Variants in MYO1B observed in about 807,000 individuals in gnomAD.
The protein encoded by MYO1B is unconventional myosin-Ib.
A neutral mutation model predicts 159.7 loss-of-function variants in MYO1B; 72 were observed. The ratio of observed to expected loss-of-function variants is 0.45; its 90% CI spans 0.37 to 0.55. MYO1B has a LOEUF of 0.55. Among genes scored for constraint, MYO1B ranks in the 20% least tolerant of loss-of-function variants. The pLI, the probability that MYO1B is intolerant of heterozygous loss-of-function variation, is 0.00. For synonymous variants in MYO1B, 468 were observed against 473.8 expected, an observed-to-expected ratio of 0.99 and a Z score of 0.16; for missense variants, 1,062 against 1,364.8, an observed-to-expected ratio of 0.78 and a Z score of 3.50.
chr2:191,352,231 A>G (rs1294025991), intron 7 of MYO1B, among the ~76,000 whole-genome samples: 2 of 152,200 alleles, frequency 1.3e-5, no homozygotes, highest in Non-Finnish European at 2.9e-5. Context: ...TTTTAAGATC[A>G]CCATTTTAAG....
At position 191,420,421 on chromosome 2, in the gene MYO1B, C is replaced by T. The variant is rs544026930; in HGVS notation, c.3288-3416C>T. Among the ~76,000 whole-genome samples, 10 of 152,280 alleles carry T rather than the reference C, an allele frequency of 6.6e-5. No individual in the cohort carries two copies. The East Asian group carries it at 7.7e-4, about 12-fold the overall frequency. ...CTGCAAGCCCCATTCATGGTAAGGG[C>T]GCTAGACAAGTACACTATTTTTTAT... On this transcript the variant is annotated intron_variant, in intron 30 of 30. Coordinates refer to ENST00000392318, the MANE Select transcript of MYO1B (RefSeq NM_001130158.3).
intron 1 of MYO1B, among the ~76,000 whole-genome samples, chr2:191,275,172 G>A (rs1184083308): frequency 6.6e-6 from 1 of 152,104 alleles, no homozygotes; most frequent in Non-Finnish European, 1.5e-5. Context: ...CCAAAGTGCT[G>A]GGATTACAGG....
At chr2:191,287,530 CAA>C (rs78877911) in intron 2 of MYO1B, among the ~76,000 whole-genome samples, 1,890 of 130,574 alleles carry the variant, frequency 0.014, 52 homozygotes, top group African/African-American at 0.049. Context: ...AACTCCGTCT[CAA>C]AAAAAAAAAA....
intron 5 of MYO1B, among the ~76,000 whole-genome samples, chr2:191,344,599 G>T (rs1431842088): frequency 6.6e-6 from 1 of 152,018 alleles, no homozygotes; most frequent in Non-Finnish European, 1.5e-5. Flanking sequence ...GGGAGGCCGA[G>T]GGGGGTGGAT....
intron 16 of MYO1B, 72 bp from the exon 17 acceptor site, chr2:191,387,152 A>T: frequency 7.0e-7 from 1 of 1,435,342 alleles, no homozygotes; most frequent in East Asian, 2.3e-5. Flanking sequence ...ATAGTCTTGG[A>T]GTATTTTTAA....
At chr2:191,346,925 G>A (rs992050055) in intron 6 of MYO1B, among the ~76,000 whole-genome samples, 12 of 152,278 alleles carry the variant, frequency 7.9e-5, no homozygotes, top group African/African-American at 2.9e-4. Context: ...TCCTCCAGGC[G>A]GGCCATGCTC....
At chr2:191,336,595 G>A (rs562485456) in intron 4 of MYO1B, among the ~76,000 whole-genome samples, 4 of 152,218 alleles carry the variant, frequency 2.6e-5, no homozygotes, top group East Asian at 1.9e-4. Flanking sequence ...CAAAGGCTGC[G>A]TCTCTCATTG....
chr2:191,332,035 T>C (rs1289276811), intron 4 of MYO1B, among the ~76,000 whole-genome samples: 1 of 152,220 alleles, frequency 6.6e-6, no homozygotes, highest in African/African-American at 2.4e-5. Context: ...CGATCTTGGC[T>C]CACTGCAACC....
intron 3 of MYO1B, among the ~76,000 whole-genome samples, chr2:191,303,457 C>T (rs1231942789): frequency 6.6e-6 from 1 of 152,168 alleles, no homozygotes; most frequent in Non-Finnish European, 1.5e-5. Context: ...TTTATGCTTT[C>T]CCATCTAGCA....
chr2:191,364,116 G>C, intron 10 of MYO1B, 42 bp from the exon 11 acceptor site: 1 of 1,477,674 alleles, frequency 6.8e-7, no homozygotes, highest in South Asian at 1.1e-5. Flanking sequence ...TTAGCAGCAC[G>C]TGTACAGTCA....
intron 8 of MYO1B, among the ~76,000 whole-genome samples, chr2:191,361,375 G>A (rs949198440): frequency 1.2e-4 from 19 of 152,078 alleles, no homozygotes; most frequent in Non-Finnish European, 2.9e-5. Flanking sequence ...TGATACAAGA[G>A]ATAAAGATCT....
chr2:191,344,611 A>C (rs1692439720), intron 5 of MYO1B, among the ~76,000 whole-genome samples: 1 of 151,984 alleles, frequency 6.6e-6, no homozygotes, highest in Non-Finnish European at 1.5e-5. Flanking sequence ...GGGGTGGATC[A>C]CGAGGTCAGG....
At chr2:191,270,121 A>T (rs1161581748) in intron 1 of MYO1B, among the ~76,000 whole-genome samples, 1 of 152,184 alleles carries the variant, frequency 6.6e-6, no homozygotes, top group Non-Finnish European at 1.5e-5. Context: ...TTATGGATGC[A>T]GCGCCACAAT....
intron 3 of MYO1B, among the ~76,000 whole-genome samples, chr2:191,320,393 A>G (rs982576847): frequency 1.1e-4 from 16 of 152,140 alleles, no homozygotes; most frequent in Non-Finnish European, 1.3e-4. Flanking sequence ...GTATCATGAT[A>G]TGAATTTAGC....
intron 3 of MYO1B, among the ~76,000 whole-genome samples, chr2:191,311,901 C>T (rs1029601111): frequency 6.6e-6 from 1 of 152,084 alleles, no homozygotes; most frequent in East Asian, 1.9e-4. Flanking sequence ...GTCATTGTTC[C>T]TAAAACAAGT....
At chr2:191,300,784 T>G (rs779829255) in intron 3 of MYO1B, among the ~76,000 whole-genome samples, 25 of 151,870 alleles carry the variant, frequency 1.6e-4, no homozygotes, top group Non-Finnish European at 2.9e-4. Flanking sequence ...ATTTGGAATT[T>G]AATTTGAGCT....
rs532117992 is a variant in MYO1B, at chr2:191,296,945, G to A, written c.251+719G>A. Among the ~76,000 whole-genome samples the A allele has an allele frequency of 7.2e-5, 11 of 152,204 alleles. No individual in the cohort carries two copies. In the South Asian group the frequency reaches 8.3e-4, roughly 11 times the overall value. On this transcript the variant is annotated intron_variant, in intron 3 of 30. Transcript: ENST00000392318. ...GATTTGGTAGATCCGTGGTAGAACCGGGTTATTCAACCCTAGAACTTTTAT... is the reference window on the plus strand; with the variant it reads ...GATTTGGTAGATCCGTGGTAGAACCAGGTTATTCAACCCTAGAACTTTTAT...
At chr2:191,394,886 G>A (rs966159897) in intron 20 of MYO1B, among the ~76,000 whole-genome samples, 5 of 152,268 alleles carry the variant, frequency 3.3e-5, no homozygotes, top group African/African-American at 1.2e-4. Flanking sequence ...AATAGCCCCA[G>A]TTTTAGAGAA....
intron 13 of MYO1B, among the ~76,000 whole-genome samples, chr2:191,375,815 C>A (rs1694672791): frequency 6.6e-6 from 1 of 151,914 alleles, no homozygotes; most frequent in African/African-American, 2.4e-5. Flanking sequence ...AAAAATTATC[C>A]AGGCATAGTG....
Sources: gnomAD v4.1 joint callset for allele counts (sites outside exome capture counted in the v4.1 genomes callset) on GRCh38, gnomAD v4.1.1 for gene constraint, MANE v1.5 for transcripts, NCBI Gene and HGNC (gene_info 2026-07-23, HGNC 2026-07-21) for gene names.